GDPD4: variants seen among roughly 807,000 people sequenced by gnomAD.
GDPD4 encodes the protein glycerophosphodiester phosphodiesterase 6.
In GDPD4, 60 loss-of-function variants were observed where a neutral mutation model predicts 67.8. The ratio of observed to expected loss-of-function variants is 0.88; its 90% confidence interval spans 0.72 to 1.10. GDPD4 has a LOEUF of 1.10. Ranked by LOEUF, GDPD4 falls within the 50% of genes least tolerant of loss-of-function variation. GDPD4 has a pLI of 0.00. For synonymous variants in GDPD4, 212 were observed against 210.9 expected (o/e 1.00, Z -0.04); for missense variants, 623 against 613.9 (o/e 1.01, Z -0.16).
At chr11:77,273,187 C>T (rs1440734475) in intron 5 of GDPD4, among the ~76,000 whole-genome samples, 1 of 152,138 alleles carries the variant, frequency 6.6e-6, no homozygotes, top group Non-Finnish European at 1.5e-5. Flanking sequence ...CCATTTGCTT[C>T]TCTCTGGGCA....
chr11:77,262,472 C>G (rs1001390399), intron 10 of GDPD4, among the ~76,000 whole-genome samples: 1 of 152,196 alleles, frequency 6.6e-6, no homozygotes, highest in Non-Finnish European at 1.5e-5. Flanking sequence ...TTTTGAACCA[C>G]TTCCTTGTAA....
intron 13 of GDPD4, among the ~76,000 whole-genome samples, chr11:77,236,508 T>A (rs1032310481): frequency 6.6e-6 from 1 of 151,932 alleles, no homozygotes; most frequent in Non-Finnish European, 1.5e-5. Context: ...ACTTTAAAGA[T>A]GCCAAGTGGT....
intron 14 of GDPD4, among the ~76,000 whole-genome samples, chr11:77,229,819 T>C (rs1381444694): frequency 6.6e-6 from 1 of 152,162 alleles, no homozygotes; most frequent in Non-Finnish European, 1.5e-5. Flanking sequence ...ACCTACATGC[T>C]CCTCTTCTAT....
intron 13 of GDPD4, among the ~76,000 whole-genome samples, chr11:77,233,642 C>A (rs973526267): frequency 6.6e-6 from 1 of 152,008 alleles, no homozygotes; most frequent in African/African-American, 2.4e-5. Context: ...TGTAGCAGCA[C>A]CTATATACTC....
chr11:77,285,602 C>A (rs182522310), intron 2 of GDPD4, among the ~76,000 whole-genome samples: 6 of 152,280 alleles, frequency 3.9e-5, no homozygotes, highest in Admixed American at 3.3e-4. Flanking sequence ...CATCAATCTA[C>A]CCCATTGGAG....
In GDPD4 at chr11:77,268,335, A is replaced by T. The variant is rs140535974; in HGVS notation, c.707+122T>A. The T allele has an allele frequency of 1.9e-3, 1,337 of 698,178 alleles. 19 individuals carry two copies. The African/African-American group carries it at 0.022, about 11-fold the overall frequency. The allele number at this position is 698,178 out of a possible 1,614,324, so 43.2% of individuals were successfully genotyped here. A position where few individuals can be genotyped will look rare whatever the true frequency, so the allele number is the denominator to read the frequency against. ...TTTGTGTAGTACATGCATATATGCC[A>T]TATGAACACAGGAACAACTCCCCAG... On this transcript the variant is annotated intron_variant, in intron 10 of 16. Transcript: ENST00000315938.
intron 3 of GDPD4, 140 bp from the exon 4 acceptor site, chr11:77,279,539 T>C: frequency 1.9e-6 from 1 of 524,286 alleles, no homozygotes; most frequent in Non-Finnish European, 3.5e-6. Flanking sequence ...ACAGCAGCTT[T>C]TGCGGATAAT....
At chr11:77,255,613 T>C (rs113459246) in intron 11 of GDPD4, among the ~76,000 whole-genome samples, 2,467 of 151,856 alleles carry the variant, frequency 0.016, 23 homozygotes, top group African/African-American at 0.026. Flanking sequence ...GTAATCCCAG[T>C]ACTTTGGGAG....
intron 10 of GDPD4, among the ~76,000 whole-genome samples, chr11:77,266,469 T>A (rs576302764): frequency 1.1e-4 from 17 of 152,218 alleles, no homozygotes; most frequent in Admixed American, 2.0e-4. Context: ...CTGTTACTGG[T>A]TTATATATTT....
intron 1 of GDPD4, among the ~76,000 whole-genome samples, chr11:77,299,002 C>A (rs1050478732): frequency 3.3e-4 from 50 of 151,990 alleles, no homozygotes; most frequent in African/African-American, 9.7e-4. Flanking sequence ...GGGCATGACT[C>A]CCCAGACCCC....
At position 77,243,745 on chromosome 11, in the gene GDPD4, T is replaced by C. The variant is rs202143817; in HGVS notation, c.1190A>G (p.Asn397Ser). 7 of 1,609,934 alleles carry C rather than the reference T, an allele frequency of 4.3e-6. No individual in the cohort carries two copies. Among genetic ancestry groups the C allele is most frequent in the South Asian group, 1.1e-5 (1 of 90,806 alleles). ...GTAGTCAACATTTATTATACTGATA[T>C]TGTTTTTAGCAAGGGTTTCAATGGA... is the stretch of plus-strand genomic sequence containing the variant. ...LVSIETLAKN[N>S]ISIINVDYKK... Residue 397 changes from asparagine to serine, a missense_variant, in exon 13 of 17, where the codon AAT becomes AGT. Transcript: ENST00000315938.
At chr11:77,287,827 G>A (rs1200079196) in intron 1 of GDPD4, among the ~76,000 whole-genome samples, 10 of 152,186 alleles carry the variant, frequency 6.6e-5, no homozygotes, top group Non-Finnish European at 1.5e-4. Flanking sequence ...ACTAATAAGT[G>A]ACTCAGACAC....
At chr11:77,284,909 G>T (rs1483093138) in intron 3 of GDPD4, among the ~76,000 whole-genome samples, 176 bp downstream of exon 3, 1 of 152,196 alleles carries the variant, frequency 6.6e-6, no homozygotes, top group Non-Finnish European at 1.5e-5. Context: ...AGGTTAGGGT[G>T]CTAAGCATCC....
intron 11 of GDPD4, among the ~76,000 whole-genome samples, chr11:77,246,377 G>T (rs186929577): frequency 6.6e-6 from 1 of 152,180 alleles, no homozygotes; most frequent in African/African-American, 2.4e-5. Flanking sequence ...GCCTCTGTAT[G>T]TCTCATTCAT....
intron 16 of GDPD4, among the ~76,000 whole-genome samples, chr11:77,220,730 A>G (rs1337824146): frequency 6.6e-6 from 1 of 152,202 alleles, no homozygotes; most frequent in Non-Finnish European, 1.5e-5. Flanking sequence ...AAAATGAGTG[A>G]GGGAGGATTC....
At chr11:77,297,176 T>C (rs1371525902) in intron 1 of GDPD4, among the ~76,000 whole-genome samples, 2 of 151,476 alleles carry the variant, frequency 1.3e-5, no homozygotes, top group East Asian at 3.9e-4. Flanking sequence ...AGAAAGCAAA[T>C]ATTGGAAGAT....
intron 11 of GDPD4, 48 bp from the exon 12 acceptor site, chr11:77,245,550 CCTA>C (rs749675511): frequency 6.8e-6 from 9 of 1,328,710 alleles, no homozygotes; most frequent in Non-Finnish European, 8.5e-6. Flanking sequence ...TTCCAGTTCT[CCTA>C]CTATGTAGCC....
At chr11:77,234,890 A>G (rs1432282870) in intron 13 of GDPD4, among the ~76,000 whole-genome samples, 1 of 151,822 alleles carries the variant, frequency 6.6e-6, no homozygotes, top group East Asian at 1.9e-4. Flanking sequence ...GTCAAATGGT[A>G]GTTACATTTT....
intron 16 of GDPD4, among the ~76,000 whole-genome samples, chr11:77,220,392 T>TAATA (rs1958204918): frequency 6.6e-6 from 1 of 152,222 alleles, no homozygotes; most frequent in African/African-American, 2.4e-5. Context: ...AATAGCTAGT[T>TAATA]TATTGAGAGT....
Sources: allele counts gnomAD v4.1 joint callset (sites outside exome capture counted in the v4.1 genomes callset), GRCh38; gene constraint gnomAD v4.1.1; transcripts MANE v1.5; gene names NCBI Gene and HGNC (gene_info 2026-07-23, HGNC 2026-07-21).